LRRC4B: variants seen among roughly 807,000 people sequenced by gnomAD.
LRRC4B encodes leucine-rich repeat-containing protein 4B.
LRRC4B carries 1 observed loss-of-function variant against 7.3 expected under a neutral mutation model. That is an observed-to-expected ratio of 0.14 (90% CI 0.05 to 0.65). LRRC4B has a LOEUF of 0.65. Ranked by LOEUF, LRRC4B falls within the 30% of genes least tolerant of loss-of-function variation. LRRC4B has a pLI of 0.84. For synonymous variants in LRRC4B, 500 were observed against 499.2 expected, an observed-to-expected ratio of 1.00 and a Z score of -0.02; for missense variants, 730 against 1,041.6, an observed-to-expected ratio of 0.70 and a Z score of 4.12.
chr19:50,540,052 T>G (rs1225806920), intron 2 of LRRC4B, among the ~76,000 whole-genome samples: 1 of 152,210 alleles, frequency 6.6e-6, no homozygotes, highest in East Asian at 1.9e-4. Context: ...TGCTTAAGTT[T>G]TAAAAGTGAA....
intron 2 of LRRC4B, among the ~76,000 whole-genome samples, chr19:50,530,001 C>A (rs1324343238): frequency 6.6e-6 from 1 of 151,762 alleles, no homozygotes; most frequent in East Asian, 1.9e-4. Context: ...AGCTCATCCT[C>A]CCCGTCCAAA....
At chr19:50,527,157 C>T (rs1442531251) in intron 2 of LRRC4B, among the ~76,000 whole-genome samples, 9 of 151,386 alleles carry the variant, frequency 5.9e-5, no homozygotes, top group Non-Finnish European at 1.0e-4. Flanking sequence ...CTCAGCCTCC[C>T]GAGTAGCTGG....
At chr19:50,524,859 G>C (rs940310419) in intron 2 of LRRC4B, among the ~76,000 whole-genome samples, 3 of 152,214 alleles carry the variant, frequency 2.0e-5, no homozygotes, top group African/African-American at 7.2e-5. Flanking sequence ...TGCCCTGTGA[G>C]ATGCTGCGGG....
At chr19:50,547,115 G>A (rs552140342) in intron 2 of LRRC4B, among the ~76,000 whole-genome samples, 109 of 152,364 alleles carry the variant, frequency 7.2e-4, no homozygotes, top group African/African-American at 1.3e-3. Flanking sequence ...ACCTGCTCAA[G>A]GGAGATGTGG....
Position 50,518,218 on chromosome 19 carries a change from G to A in LRRC4B, c.1495C>T (p.Pro499Ser). The A allele has an allele frequency of 6.2e-7, 1 of 1,608,886 alleles. No individual in the cohort carries two copies. Among genetic ancestry groups the A allele is most frequent in the Non-Finnish European group, 8.5e-7 (1 of 1,178,672 alleles). ...TVTVETLETQ[P>S]GEEALQPRGT... ...CGCGGCTGCAGGGCCTCCTCTCCGGGCTGCGTCTCCAGGGTCTCCACGGTC... is the reference window on the plus strand; with the variant it reads ...CGCGGCTGCAGGGCCTCCTCTCCGGACTGCGTCTCCAGGGTCTCCACGGTC... The change falls in exon 3 of 3, where the codon CCC (proline) becomes TCC (serine). Residue 499 changes from proline to serine, a missense_variant. By Grantham distance (74) the Pro-to-Ser change is moderately conservative. Coordinates refer to ENST00000652263, the MANE Select transcript of LRRC4B (RefSeq NM_001080457.2).
chr19:50,522,428 C>T (rs546216752), intron 2 of LRRC4B, among the ~76,000 whole-genome samples: 22 of 151,882 alleles, frequency 1.4e-4, no homozygotes, highest in African/African-American at 4.6e-4. Flanking sequence ...TGGCAAAACC[C>T]GATCAGAACT....
At chr19:50,538,197 G>A (rs1020156552) in intron 2 of LRRC4B, among the ~76,000 whole-genome samples, 2 of 152,170 alleles carry the variant, frequency 1.3e-5, no homozygotes, top group Non-Finnish European at 2.9e-5. Context: ...TGAGTAGCTA[G>A]TACTACAGGC....
intron 2 of LRRC4B, among the ~76,000 whole-genome samples, chr19:50,533,519 A>G (rs1211708982): frequency 6.6e-6 from 1 of 152,164 alleles, no homozygotes; most frequent in Non-Finnish European, 1.5e-5. Context: ...TAATACAAAG[A>G]CCAAAGACCA....
At position 50,518,116 on chromosome 19, in the gene LRRC4B, G is replaced by A; in HGVS notation, c.1597C>T (p.Pro533Ser). The A allele has an allele frequency of 1.3e-6, 2 of 1,593,758 alleles. No individual in the cohort carries two copies. The highest frequency in any genetic ancestry group is 1.1e-5 in the South Asian group (1 of 89,480). Residue 533 changes from proline (P) to serine (S), a missense_variant, in exon 3 of 3, where the codon CCT becomes TCT. Coordinates refer to ENST00000652263, the MANE Select transcript of LRRC4B (RefSeq NM_001080457.2). ...GGGRPGDAAGPASSSTTAPAP... is the reference protein window; with the variant it reads ...GGGRPGDAAGSASSSTTAPAP... ...GGTGCCGTGGTAGAAGACGAGGCAGGGCCGGCCGCGTCCCCAGGCCGGCCC... is the reference window on the plus strand; with the variant it reads ...GGTGCCGTGGTAGAAGACGAGGCAGAGCCGGCCGCGTCCCCAGGCCGGCCC...
intron 1 of LRRC4B, among the ~76,000 whole-genome samples, chr19:50,561,578 T>A (rs1982463027): frequency 1.3e-5 from 2 of 151,614 alleles, no homozygotes. Context: ...CTACAAAAAA[T>A]ACAAAAATTA....
chr19:50,561,483 C>T (rs1395570617), intron 1 of LRRC4B, among the ~76,000 whole-genome samples: 4 of 152,192 alleles, frequency 2.6e-5, no homozygotes, highest in Non-Finnish European at 5.9e-5. Context: ...CCTGTAATCC[C>T]AGCACTTTGG....
intron 2 of LRRC4B, among the ~76,000 whole-genome samples, chr19:50,521,145 G>A (rs2060591130): frequency 6.6e-6 from 1 of 152,140 alleles, no homozygotes. Flanking sequence ...TGACCCTCTG[G>A]ATGAATCTCT....
At chr19:50,520,327 G>A (rs1980522008) in intron 2 of LRRC4B, among the ~76,000 whole-genome samples, 1 of 150,970 alleles carries the variant, frequency 6.6e-6, no homozygotes, top group African/African-American at 2.4e-5. Context: ...AGTTAAAACT[G>A]GAGTCAAGAA....
intron 2 of LRRC4B, among the ~76,000 whole-genome samples, chr19:50,527,102 G>A (rs1047932171): frequency 2.0e-5 from 3 of 150,732 alleles, no homozygotes; most frequent in South Asian, 4.2e-4. Context: ...GCACAATCCC[G>A]GCTTACTGCA....
chr19:50,543,037 G>A (rs1008749285), intron 2 of LRRC4B, among the ~76,000 whole-genome samples: 4 of 152,148 alleles, frequency 2.6e-5, no homozygotes, highest in Non-Finnish European at 5.9e-5. Flanking sequence ...ACGGGAGGGC[G>A]TCGCAGGGAT....
chr19:50,528,336 T>C (rs968918833), intron 2 of LRRC4B, among the ~76,000 whole-genome samples: 1 of 152,000 alleles, frequency 6.6e-6, no homozygotes, highest in Non-Finnish European at 1.5e-5. Context: ...TCACTATGTC[T>C]GTGCTTGATT....
rs139427847 is a variant in LRRC4B, at chr19:50,548,092, C to T, written c.297+450G>A. Among the ~76,000 whole-genome samples the T allele has an allele frequency of 1.0e-3, 156 of 152,340 alleles. No individual in the cohort carries two copies. The highest frequency in any genetic ancestry group is 3.4e-3 in the Middle Eastern group (1 of 294). ...ATCAGCCCTCACAGCAACACCTCAA[C>T]GCAGGGGCTTGCATTGTCCCCGCTT... On this transcript the variant is annotated intron_variant, in intron 2 of 2. Transcript: ENST00000652263. This position sits in a 1 kb window ranked among gnomAD's most constrained non-coding sequence, Gnocchi z 6.8.
In LRRC4B at chr19:50,517,799, C is replaced by A; in HGVS notation, c.1914G>T (p.Val638=). The A allele has an allele frequency of 6.6e-7, 1 of 1,505,280 alleles. No individual in the cohort carries two copies. The allele number at this position is 1,505,280 out of a possible 1,614,324, so 93.2% of individuals were successfully genotyped here. The part of the protein sequence containing the change: ...SAVSVAAAAA[V]ASGGGVGGDS... ...CCCCGCCCACACCACCCCCACTGGCCACGGCGGCCGCGGCGGCCACGGACA... is the reference window on the plus strand; with the variant it reads ...CCCCGCCCACACCACCCCCACTGGCAACGGCGGCCGCGGCGGCCACGGACA... Residue 638 remains valine (V), a synonymous_variant, in exon 3 of 3, where the codon GTG becomes GTT. Coordinates refer to ENST00000652263, the MANE Select transcript of LRRC4B (RefSeq NM_001080457.2). This position sits in a 1 kb window ranked among gnomAD's most constrained non-coding sequence, Gnocchi z 6.6.
chr19:50,552,633 C>T (rs1423815751), intron 1 of LRRC4B, among the ~76,000 whole-genome samples: 3 of 110,840 alleles, frequency 2.7e-5, no homozygotes, highest in Non-Finnish European at 5.5e-5. Context: ...TCCATTCATC[C>T]ATCCGCCCAT....
Sources: allele counts gnomAD v4.1 joint callset (sites outside exome capture counted in the v4.1 genomes callset), GRCh38; gene constraint gnomAD v4.1.1; non-coding constraint Gnocchi (gnomAD v3.1); transcripts MANE v1.5; gene names NCBI Gene and HGNC (gene_info 2026-07-23, HGNC 2026-07-21).